The following PCDHGB1 variants were observed in gnomAD, a reference collection of about 807,000 sequenced individuals.
PCDHGB1 encodes protocadherin gamma-B1.
PCDHGB1 carries 34 observed loss-of-function variants against 56.6 expected under a neutral mutation model. The ratio of observed to expected loss-of-function variants is 0.60; its 90% CI spans 0.46 to 0.80. The LOEUF is 0.80. PCDHGB1 is among the 30% of genes least tolerant of loss of function. The pLI is 0.00. For missense variants in PCDHGB1, 1,278 were observed against 1,204.6 expected (o/e 1.06, Z -0.90); for synonymous variants, 561 against 505.9 (o/e 1.11, Z -1.46).
chr5:141,430,804 G>T, intron 1 of PCDHGB1: 2 of 1,525,868 alleles, frequency 1.3e-6, no homozygotes, highest in Non-Finnish European at 1.8e-6. Context: ...GGCTTGTCCT[G>T]CTGGGAATCC....
chr5:141,420,044 T>C lies in PCDHGB1; in HGVS notation c.2409+67375T>C, dbSNP rs769790599. 1.7e-5 allele frequency: 27 copies of C among 1,613,934 alleles called. No individual in the cohort carries two copies. In the East Asian group the frequency reaches 6.0e-4, roughly 36 times the overall value. On this transcript the variant is annotated intron_variant, in intron 1 of 3. Coordinates refer to ENST00000523390, the MANE Select transcript of PCDHGB1 (RefSeq NM_018922.3). ...CCCTACTGCAGGAGACTGCTTTGAG[T>C]CAGTTCTCTGCTCCAAGTCCGGACC...
intron 1 of PCDHGB1, among the ~76,000 whole-genome samples, chr5:141,401,748 C>G (rs2094189969): frequency 6.6e-6 from 1 of 152,134 alleles, no homozygotes; most frequent in Non-Finnish European, 1.5e-5. Context: ...ATACAAAGCT[C>G]CCATTACATG....
intron 1 of PCDHGB1, chr5:141,375,955 C>T: frequency 6.2e-7 from 1 of 1,613,498 alleles, no homozygotes; most frequent in Non-Finnish European, 8.5e-7. Context: ...TGCACACGGG[C>T]GAGGTGCGCA....
chr5:141,511,288 C>G lies in PCDHGB1; in HGVS notation c.*115C>G. ...CTAACCCCCAGAATACTGGTAGGGG[C>G]CAAGGCCATGCTCCCCTTGGGAAAC... On this transcript the variant is annotated 3_prime_UTR_variant, in exon 4 of 4. Transcript: ENST00000523390. 6.6e-7 allele frequency: 1 copy of G among 1,518,266 alleles called. No homozygotes were observed. The highest frequency in any genetic ancestry group is 8.9e-7 in the Non-Finnish European group (1 of 1,129,706). The allele number at this position is 1,518,266 out of a possible 1,614,324, so 94.0% of individuals were successfully genotyped here.
In PCDHGB1 at chr5:141,351,532, C is replaced by CA; in HGVS notation, c.1275dup (p.Pro426ThrfsTer34). On this transcript the variant is annotated frameshift_variant, in exon 1 of 4. Transcript: ENST00000523390. LOFTEE classifies it high-confidence loss of function. Reference sequence around the variant, plus strand: ...TCACAATCATAGCCACCGACAAGGGCAAACCAGCCCTTTCCTCCAGGACAA... The same window carrying CA: ...TCACAATCATAGCCACCGACAAGGGCAAAACCAGCCCTTTCCTCCAGGACAA... 2 of 1,614,046 alleles carry CA rather than the reference C, an allele frequency of 1.2e-6. No individual in the cohort carries two copies. Among genetic ancestry groups the CA allele is most frequent in the Non-Finnish European group, 1.7e-6 (2 of 1,179,896 alleles).
rs1348847945 is a variant in PCDHGB1, at chr5:141,493,426, C to G, written c.2410-1381C>G. ...TGCCTCTGCTGGGATTTTGCTTCTG[C>G]TGGGATGGGGCAAGGGTGGGGTTCC... On this transcript the variant is annotated intron_variant, in intron 1 of 3. Transcript: ENST00000523390. The surrounding 1 kb of genome is among the most constrained non-coding windows in gnomAD (Gnocchi z 4.3). Among the ~76,000 whole-genome samples, 2 of 152,144 alleles carry G rather than the reference C, an allele frequency of 1.3e-5. No homozygotes were observed. The highest frequency in any genetic ancestry group is 4.8e-5 in the African/African-American group (2 of 41,424).
chr5:141,405,192 G>A (rs2154536235), intron 1 of PCDHGB1: 5 of 1,613,938 alleles, frequency 3.1e-6, no homozygotes, highest in East Asian at 2.2e-5. Context: ...GATGGGGTTC[G>A]AGCTTTCCTA....
rs1000935525 is a variant in PCDHGB1 at position 141,512,962 on chromosome 5, G to A, written c.*1789G>A. The A allele has an allele frequency of 1.3e-5, 2 of 152,030 alleles. No individual in the cohort carries two copies. The highest frequency in any genetic ancestry group is 4.8e-5 in the African/African-American group (2 of 41,366). The allele number at this position is 152,030 out of a possible 1,614,324, so 9.4% of individuals were successfully genotyped here. ...TTCTTCGACAAAAAAATAATAAAACGTTTCTTCTGAAAAGCTGAACGTTTC... is the reference window on the plus strand; with the variant it reads ...TTCTTCGACAAAAAAATAATAAAACATTTCTTCTGAAAAGCTGAACGTTTC... On this transcript the variant is annotated 3_prime_UTR_variant, in exon 4 of 4. Transcript: ENST00000523390.
chr5:141,356,470 G>A lies in PCDHGB1; in HGVS notation c.2409+3801G>A, dbSNP rs1200759848. 7.4e-6 allele frequency: 12 copies of A among 1,613,636 alleles called. No individual in the cohort carries two copies. In the Middle Eastern group the frequency reaches 4.9e-4, roughly 66 times the overall value. On this transcript the variant is annotated intron_variant, in intron 1 of 3. Transcript: ENST00000523390. Reference sequence around the variant, plus strand: ...CTCAGAATATAACATCACTGTAACTGCCACTGACCAGGGAACTCCTCCACT... The same window carrying A: ...CTCAGAATATAACATCACTGTAACTACCACTGACCAGGGAACTCCTCCACT...
intron 2 of PCDHGB1, among the ~76,000 whole-genome samples, chr5:141,496,538 T>G (rs568286018): frequency 1.5e-4 from 23 of 152,266 alleles, no homozygotes; most frequent in African/African-American, 5.5e-4. Flanking sequence ...TGGCAGAGAT[T>G]CCAGCTTCTG....
intron 1 of PCDHGB1, among the ~76,000 whole-genome samples, chr5:141,494,177 TG>T (rs2099752471): frequency 6.6e-6 from 1 of 152,176 alleles, no homozygotes; most frequent in Non-Finnish European, 1.5e-5. Flanking sequence ...GGGTGAGAAG[TG>T]TCCCGGGACT....
At chr5:141,421,144 G>A (rs1241874764) in intron 1 of PCDHGB1, 1 of 999,180 alleles carries the variant, frequency 1.0e-6, no homozygotes, top group African/African-American at 1.6e-5. Flanking sequence ...TTTGGATGTA[G>A]TCGGCCTAGG....
chr5:141,395,057 T>A (rs2093157144), intron 1 of PCDHGB1: 1 of 1,614,042 alleles, frequency 6.2e-7, no homozygotes, highest in Non-Finnish European at 8.5e-7. Context: ...AGGTACAGGC[T>A]TTCCTGCAGA....
chr5:141,376,721 C>T (rs938507888), intron 1 of PCDHGB1: 2 of 596,528 alleles, frequency 3.4e-6, no homozygotes, highest in Admixed American at 3.5e-5. Context: ...GCTCTGTCGC[C>T]CAGGCCGGAC....
chr5:141,385,571 T>C (rs2090288104), intron 1 of PCDHGB1: 5 of 1,299,428 alleles, frequency 3.8e-6, no homozygotes, highest in Non-Finnish European at 4.9e-6. Context: ...TCCACCTACT[T>C]TCCAATCTAT....
chr5:141,460,333 G>A (rs2098986532), intron 1 of PCDHGB1, among the ~76,000 whole-genome samples: 1 of 152,056 alleles, frequency 6.6e-6, no homozygotes, highest in African/African-American at 2.4e-5. Context: ...AACTTATGAT[G>A]ATTTTCTCCT....
intron 1 of PCDHGB1, chr5:141,357,808 AT>A: frequency 1.3e-6 from 1 of 767,124 alleles, no homozygotes; most frequent in African/African-American, 1.8e-5. Flanking sequence ...AATGTTGTTT[AT>A]TACTTATCCT....
chr5:141,465,997 C>T (rs1344380021), intron 1 of PCDHGB1, among the ~76,000 whole-genome samples: 1 of 151,918 alleles, frequency 6.6e-6, no homozygotes, highest in Non-Finnish European at 1.5e-5. Context: ...TGGCAGGCAC[C>T]TGTAGTCCCA....
chr5:141,404,540 A>G, intron 1 of PCDHGB1: 2 of 1,613,920 alleles, frequency 1.2e-6, no homozygotes, highest in Non-Finnish European at 1.7e-6. Context: ...AGATTTGCAA[A>G]TGCAGGTGAC....
Sources: allele counts gnomAD v4.1 joint callset (sites outside exome capture counted in the v4.1 genomes callset), GRCh38; gene constraint gnomAD v4.1.1; non-coding constraint Gnocchi (gnomAD v3.1); transcripts MANE v1.5; gene names NCBI Gene and HGNC (gene_info 2026-07-23, HGNC 2026-07-21).